NINJ2: variants seen among roughly 807,000 people sequenced by gnomAD.
NINJ2 encodes ninjurin-2.
Under a neutral mutation model 11.7 loss-of-function variants are expected in NINJ2, and 12 were observed. The ratio of observed to expected loss-of-function variants is 1.02; its 90% CI spans 0.66 to 1.66. NINJ2 has a LOEUF of 1.66. Among genes scored for constraint, NINJ2 ranks in the 40% most tolerant of loss-of-function variants. NINJ2 has a pLI of 0.00. For missense variants in NINJ2, 187 were observed against 181.8 expected, an observed-to-expected ratio of 1.03 and a Z score of -0.16; for synonymous variants, 93 against 76.8, an observed-to-expected ratio of 1.21 and a Z score of -1.10.
At chr12:645,438 A>G (rs1937662218) in intron 1 of NINJ2, 1 of 152,210 alleles carries the variant, frequency 6.6e-6, no homozygotes. Context: ...CTTTGTTCTG[A>G]AATCTGCTTA....
At chr12:588,247 A>ACGGAAGGGACGGAAGGGACGGAAGGGAC (rs1947671232) in intron 1 of NINJ2, among the ~76,000 whole-genome samples, 1 of 152,152 alleles carries the variant, frequency 6.6e-6, no homozygotes, top group African/African-American at 2.4e-5. Context: ...GAGGGAAGGG[A>ACGGAAGGGACGGAAGGGACGGAAGGGAC]GGAGGAGACA....
intron 1 of NINJ2, among the ~76,000 whole-genome samples, chr12:647,733 G>A (rs1049287727): frequency 3.9e-5 from 6 of 152,172 alleles, no homozygotes; most frequent in African/African-American, 1.4e-4. Context: ...GGGATCACCA[G>A]GGGACTTGTG....
At chr12:602,339 A>G (rs1372751896) in intron 1 of NINJ2, among the ~76,000 whole-genome samples, 4 of 152,070 alleles carry the variant, frequency 2.6e-5, no homozygotes, top group Admixed American at 6.6e-5. Flanking sequence ...CTACTAATCT[A>G]CTTTCTGTCT....
At chr12:599,372 C>A (rs886219838) in intron 1 of NINJ2, among the ~76,000 whole-genome samples, 1 of 151,850 alleles carries the variant, frequency 6.6e-6, no homozygotes, top group Non-Finnish European at 1.5e-5. Flanking sequence ...GACTTCATCT[C>A]AAAAAAAGTA....
chr12:567,278 A>C (rs1947313899), intron 1 of NINJ2, among the ~76,000 whole-genome samples: 1 of 150,766 alleles, frequency 6.6e-6, no homozygotes, highest in African/African-American at 2.5e-5. Flanking sequence ...GGTAGGGAAG[A>C]TGACCCAGCA....
intron 1 of NINJ2, chr12:642,587 C>T (rs4980957): frequency 0.55 from 83,426 of 152,148 alleles, 23,005 homozygotes; most frequent in African/African-American, 0.61. Context: ...CAAGGACTCT[C>T]GTGAGAAAAA....
chr12:619,134 G>C (rs1277310168), intron 1 of NINJ2, among the ~76,000 whole-genome samples: 2 of 152,088 alleles, frequency 1.3e-5, no homozygotes, highest in South Asian at 2.1e-4. Flanking sequence ...TGGTCCAGGA[G>C]GGGGGCAGTT....
chr12:650,367 A>G (rs1937767926), intron 1 of NINJ2, among the ~76,000 whole-genome samples: 1 of 152,144 alleles, frequency 6.6e-6, no homozygotes, highest in African/African-American at 2.4e-5. Context: ...CCGAAGTGCT[A>G]GGATTATAGG....
chr12:632,002 T>G (rs1427215162), intron 1 of NINJ2, among the ~76,000 whole-genome samples: 2 of 152,080 alleles, frequency 1.3e-5, no homozygotes, highest in Admixed American at 6.5e-5. Flanking sequence ...ATAACCAGGT[T>G]ATGAGGAAGC....
chr12:604,369 G>GCA (rs1947910599), intron 1 of NINJ2, among the ~76,000 whole-genome samples: 2 of 152,094 alleles, frequency 1.3e-5, no homozygotes, highest in African/African-American at 4.8e-5. Context: ...CGGGTGCGGT[G>GCA]GCTCACGCCT....
At chr12:568,726 C>G (rs914309472) in intron 1 of NINJ2, among the ~76,000 whole-genome samples, 2 of 152,220 alleles carry the variant, frequency 1.3e-5, no homozygotes, top group African/African-American at 4.8e-5. Context: ...CTGGACGGGG[C>G]AGGACTCACA....
intron 1 of NINJ2, chr12:610,596 C>T (rs1371200530): frequency 1.0e-6 from 1 of 985,226 alleles, no homozygotes; most frequent in Non-Finnish European, 1.2e-6. Context: ...CTCTGTTCAG[C>T]CCAGCCACAG....
intron 1 of NINJ2, among the ~76,000 whole-genome samples, chr12:615,139 A>C (rs1277543962): frequency 6.6e-6 from 1 of 152,232 alleles, no homozygotes; most frequent in African/African-American, 2.4e-5. Context: ...GCTCTGATAA[A>C]TGAGTGACTC....
chr12:651,453 A>G (rs528277508), intron 1 of NINJ2, among the ~76,000 whole-genome samples: 1 of 152,270 alleles, frequency 6.6e-6, no homozygotes, highest in South Asian at 2.1e-4. Context: ...CTGACACCCA[A>G]CCATAGAGCT....
chr12:594,104 G>GA (rs1947752310), intron 1 of NINJ2, among the ~76,000 whole-genome samples: 2 of 151,988 alleles, frequency 1.3e-5, no homozygotes, highest in South Asian at 2.1e-4. Flanking sequence ...AATAAGATGA[G>GA]AAAAAAATGT....
chr12:566,700 C>A (rs937273087), intron 1 of NINJ2, among the ~76,000 whole-genome samples: 12 of 152,258 alleles, frequency 7.9e-5, no homozygotes, highest in African/African-American at 2.9e-4. Context: ...CCCTCAGGAG[C>A]ACTGGAGCTG....
At chr12:567,306 A>AGAT (rs200774337) in intron 1 of NINJ2, among the ~76,000 whole-genome samples, 8,010 of 137,106 alleles carry the variant, frequency 0.058, 501 homozygotes, top group African/African-American at 0.17. Context: ...ACGACAGGAC[A>AGAT]GATACCTGCT....
At chr12:601,950 T>C (rs1477082577) in intron 1 of NINJ2, among the ~76,000 whole-genome samples, 1 of 152,234 alleles carries the variant, frequency 6.6e-6, no homozygotes, top group Admixed American at 6.5e-5. Context: ...GTTTATTATC[T>C]GTCTGACTTG....
At chr12:579,515 AAAAC>A in intron 1 of NINJ2, among the ~76,000 whole-genome samples, 1 of 60,418 alleles carries the variant, frequency 1.7e-5, no homozygotes, top group Non-Finnish European at 3.0e-5. Context: ...CAAAACAAAC[AAAAC>A]AAAACAAAAC....
Sources: allele counts gnomAD v4.1 joint callset (sites outside exome capture counted in the v4.1 genomes callset), GRCh38; gene constraint gnomAD v4.1.1; transcripts MANE v1.5; gene names NCBI Gene and HGNC (gene_info 2026-07-23, HGNC 2026-07-21).